GRM8: variants seen among roughly 807,000 people sequenced by gnomAD.
GRM8 encodes metabotropic glutamate receptor 8.
In GRM8, 47 loss-of-function variants were observed where a neutral mutation model predicts 87.2. The ratio of observed to expected loss-of-function variants is 0.54; its 90% confidence interval spans 0.43 to 0.69. GRM8 has a LOEUF of 0.69. Among genes scored for constraint, GRM8 ranks in the 30% least tolerant of loss-of-function variants. GRM8 has a pLI of 0.00. For synonymous variants in GRM8, 396 were observed against 404.5 expected (o/e 0.98, Z 0.25); for missense variants, 1,019 against 1,139.2 (o/e 0.89, Z 1.52).
intron 3 of GRM8, among the ~76,000 whole-genome samples, chr7:127,052,318 C>T (rs12670200): frequency 0.08 from 12,170 of 152,150 alleles, 533 homozygotes; most frequent in South Asian, 0.13. Flanking sequence ...ACTCTTAGCC[C>T]CTTCTCTTTA....
chr7:126,705,731 T>C (rs916605393), intron 7 of GRM8, among the ~76,000 whole-genome samples: 1 of 152,216 alleles, frequency 6.6e-6, no homozygotes, highest in Non-Finnish European at 1.5e-5. Flanking sequence ...GTTAAGATTT[T>C]TCACTGTTGG....
intron 3 of GRM8, among the ~76,000 whole-genome samples, chr7:127,096,902 G>A (rs77703559): frequency 7.2e-5 from 11 of 152,220 alleles, no homozygotes; most frequent in African/African-American, 1.4e-4. Context: ...GTTCCCATGC[G>A]TTATCAAAGA....
intron 3 of GRM8, among the ~76,000 whole-genome samples, chr7:126,919,542 G>A (rs950388840): frequency 6.6e-6 from 1 of 151,972 alleles, no homozygotes; most frequent in African/African-American, 2.4e-5. Flanking sequence ...GAGTATTGGA[G>A]CCTTGGTCAG....
chr7:126,640,369 T>G (rs1289999798), intron 7 of GRM8, among the ~76,000 whole-genome samples: 2 of 152,122 alleles, frequency 1.3e-5, no homozygotes, highest in Non-Finnish European at 2.9e-5. Context: ...TAACTAAGGA[T>G]AAAATATTAT....
chr7:126,899,344 A>G (rs1801844473), intron 6 of GRM8, among the ~76,000 whole-genome samples: 1 of 152,128 alleles, frequency 6.6e-6, no homozygotes, highest in Non-Finnish European at 1.5e-5. Context: ...CCATTCATGT[A>G]TCCTCCTCTC....
At chr7:126,588,004 T>A (rs1796323574) in intron 8 of GRM8, among the ~76,000 whole-genome samples, 1 of 152,136 alleles carries the variant, frequency 6.6e-6, no homozygotes, top group Non-Finnish European at 1.5e-5. Context: ...CGGTCTCCTC[T>A]GATTCCCTTC....
chr7:127,117,457 A>C (rs2133161256), intron 2 of GRM8, among the ~76,000 whole-genome samples: 1 of 152,306 alleles, frequency 6.6e-6, no homozygotes, highest in East Asian at 1.9e-4. Context: ...AGTTTCTTTG[A>C]TATCTTCTTG....
chr7:126,949,476 G>T (rs1006286339), intron 3 of GRM8, among the ~76,000 whole-genome samples: 1 of 152,116 alleles, frequency 6.6e-6, no homozygotes, highest in Non-Finnish European at 1.5e-5. Context: ...TCTTTTAAAA[G>T]GTGCAATGAG....
At chr7:127,041,446 C>A (rs1818421325) in intron 3 of GRM8, among the ~76,000 whole-genome samples, 1 of 152,186 alleles carries the variant, frequency 6.6e-6, no homozygotes, top group Non-Finnish European at 1.5e-5. Context: ...TCCATTCACT[C>A]ATTAATTAAT....
chr7:127,081,404 A>G (rs1459208957), intron 3 of GRM8, among the ~76,000 whole-genome samples: 1 of 152,160 alleles, frequency 6.6e-6, no homozygotes, highest in Non-Finnish European at 1.5e-5. Context: ...ACCTGGCATC[A>G]CCCCTACCCA....
intron 3 of GRM8, among the ~76,000 whole-genome samples, chr7:126,955,262 C>G (rs1808559181): frequency 6.6e-6 from 1 of 152,144 alleles, no homozygotes; most frequent in Admixed American, 6.5e-5. Context: ...TGTTTAAGCT[C>G]TTCTCTTAGA....
intron 8 of GRM8, among the ~76,000 whole-genome samples, chr7:126,538,510 T>G (rs1315298737): frequency 6.6e-6 from 1 of 152,098 alleles, no homozygotes; most frequent in Admixed American, 6.5e-5. Flanking sequence ...TTTTTTAATG[T>G]GCTTACCATA....
intron 3 of GRM8, among the ~76,000 whole-genome samples, chr7:126,946,713 G>C (rs1295036187): frequency 1.3e-5 from 2 of 152,144 alleles, no homozygotes; most frequent in Non-Finnish European, 2.9e-5. Context: ...ACTGAGACCA[G>C]AGAAATATCC....
At chr7:126,805,207 T>C (rs1446594576) in intron 6 of GRM8, among the ~76,000 whole-genome samples, 1 of 152,146 alleles carries the variant, frequency 6.6e-6, no homozygotes, top group African/African-American at 2.4e-5. Context: ...TTGTCTCCAC[T>C]CTGCTTTCAA....
At chr7:126,525,990 T>C in intron 9 of GRM8, among the ~76,000 whole-genome samples, 1 of 152,326 alleles carries the variant, frequency 6.6e-6, no homozygotes, top group East Asian at 1.9e-4. Context: ...TTTTCCACAC[T>C]TTAAGGTAGG....
At position 127,251,927 on chromosome 7, in the gene GRM8, A is replaced by T. The variant is rs529434153; in HGVS notation, c.-312+870T>A. The stretch of plus-strand genomic sequence containing the variant: ...CGCCGTGCTAACTCGGAGAACGCAA[A>T]CTCGAGGCAGAGCGTGCGCCGTGCG... On this transcript the variant is annotated intron_variant, in intron 1 of 10. Coordinates refer to ENST00000339582, the MANE Select transcript of GRM8 (RefSeq NM_000845.3). Among the ~76,000 whole-genome samples, 7 of 152,212 alleles carry T rather than the reference A, an allele frequency of 4.6e-5. No homozygotes were observed. The South Asian group carries it at 1.5e-3, about 32-fold the overall frequency.
At chr7:126,647,370 T>C (rs930846615) in intron 7 of GRM8, among the ~76,000 whole-genome samples, 25 of 150,868 alleles carry the variant, frequency 1.7e-4, no homozygotes, top group African/African-American at 5.3e-4. Flanking sequence ...TATAAATAGA[T>C]ATATAAATAT....
intron 8 of GRM8, among the ~76,000 whole-genome samples, chr7:126,554,524 T>C (rs10261469): frequency 0.021 from 3,129 of 152,072 alleles, 123 homozygotes; most frequent in African/African-American, 0.072. Flanking sequence ...GCCCAGGAGG[T>C]TGAGGCTGCA....
chr7:126,979,364 A>T (rs1811306041), intron 3 of GRM8, among the ~76,000 whole-genome samples: 1 of 152,368 alleles, frequency 6.6e-6, no homozygotes, highest in South Asian at 2.1e-4. Context: ...AAAATTAGAT[A>T]CACATGATAA....
Sources: gnomAD v4.1 joint callset for allele counts (sites outside exome capture counted in the v4.1 genomes callset) on GRCh38, gnomAD v4.1.1 for gene constraint, MANE v1.5 for transcripts, NCBI Gene and HGNC (gene_info 2026-07-23, HGNC 2026-07-21) for gene names.